Variants in NBPF10 observed in about 807,000 individuals in gnomAD.
The protein encoded by NBPF10 is NBPF family member NBPF10.
Under a neutral mutation model 77.9 loss-of-function variants are expected in NBPF10, and 63 were observed. That is an observed-to-expected ratio of 0.81 (90% CI 0.66 to 1.00). NBPF10 has a LOEUF of 1.00. Ranked by LOEUF, NBPF10 falls within the 50% of genes least tolerant of loss-of-function variation. The pLI is 0.00. For synonymous variants in NBPF10, 146 were observed against 264.5 expected (o/e 0.55, Z 4.35); for missense variants, 522 against 679.8 (o/e 0.77, Z 2.58).
intron 5 of NBPF10, among the ~76,000 whole-genome samples, chr1:146,139,078 T>G (rs10910791): frequency 0.3 from 32,620 of 110,310 alleles, 1,200 homozygotes; most frequent in Non-Finnish European, 0.39. Flanking sequence ...CCAGCGCCCC[T>G]GGTCAGAGAC....
intron 4 of NBPF10, 126 bp downstream of exon 4, chr1:146,140,358 C>T (rs4068088): frequency 1.1e-6 from 1 of 907,818 alleles, no homozygotes; most frequent in Non-Finnish European, 1.7e-6. Context: ...AAGCTGGGTT[C>T]AATTTCACAT....
chr1:146,123,527 G>C (rs879120326), intron 17 of NBPF10, among the ~76,000 whole-genome samples: 2,246 of 73,566 alleles, frequency 0.031, 8 homozygotes, highest in African/African-American at 0.087. Flanking sequence ...CACACACACA[G>C]AGAGAGAGAG....
At position 146,126,150 on chromosome 1, in the gene NBPF10, G is replaced by A. The variant is rs587642958; in HGVS notation, c.2026+86C>T. On this transcript the variant is annotated intron_variant, in intron 14 of 89. Transcript: ENST00000583866. Reference sequence around the variant, plus strand: ...CTCCCTGTGGCAATGACATCTCTCAGCTCAGTAACGGCCACTTGCAGTAGG... The same window carrying A: ...CTCCCTGTGGCAATGACATCTCTCAACTCAGTAACGGCCACTTGCAGTAGG... The A allele has an allele frequency of 1.6e-4, 140 of 868,512 alleles. 2 individuals are homozygous for A. Among genetic ancestry groups the A allele is most frequent in the Non-Finnish European group, 2.6e-4 (132 of 506,876 alleles). The allele number at this position is 868,512 out of a possible 1,614,324, so 53.8% of individuals were successfully genotyped here.
chr1:146,080,993 A>ACT (rs1656249837), intron 71 of NBPF10, among the ~76,000 whole-genome samples: 1 of 80,198 alleles, frequency 1.2e-5, no homozygotes, highest in Non-Finnish European at 3.4e-5. Flanking sequence ...ACACACACAC[A>ACT]CACACACACA....
intron 7 of NBPF10, 76 bp downstream of exon 7, chr1:146,136,277 C>A (rs587726963): frequency 2.9e-4 from 266 of 901,978 alleles, no homozygotes; most frequent in Non-Finnish European, 4.3e-4. Context: ...TTAGCTCTTA[C>A]GTCTCCCCAC....
chr1:146,125,440 A>G (rs1553789427), intron 15 of NBPF10, 25 bp downstream of exon 15: 3 of 371,432 alleles, frequency 8.1e-6, no homozygotes, highest in Non-Finnish European at 1.4e-5. Context: ...CACAGAATTA[A>G]GCATCCATAA....
At chr1:146,126,452 G>T (rs1658677502) in intron 13 of NBPF10, 44 bp from the exon 14 acceptor site, 1 of 811,204 alleles carries the variant, frequency 1.2e-6, no homozygotes, top group Non-Finnish European at 2.2e-6. Context: ...GGGGGAATCA[G>T]AAACCACACA....
At chr1:146,126,596 G>GACAGAC (rs1658705675) in intron 13 of NBPF10, among the ~76,000 whole-genome samples, 188 bp from the exon 14 acceptor site, 1 of 113,608 alleles carries the variant, frequency 8.8e-6, no homozygotes, top group Non-Finnish European at 2.0e-5. Context: ...GAACGAGAAA[G>GACAGAC]ACACACACAC....
exon 88 of NBPF10, chr1:146,068,119 T>C (rs1553778572): frequency 4.0e-6 from 2 of 501,154 alleles, no homozygotes; most frequent in South Asian, 2.0e-5. Flanking sequence ...ATAACATCTA[T>C]CCAGTGAGTC....
chr1:146,124,976 T>G (rs1658436951), intron 15 of NBPF10, 116 bp from the exon 16 acceptor site: 2 of 245,390 alleles, frequency 8.2e-6, no homozygotes, highest in Non-Finnish European at 1.4e-5. Flanking sequence ...GACAGATCCA[T>G]TAACGAGGTA....
chr1:146,067,098 A>G (rs1455054079), intron 89 of NBPF10, 82 bp downstream of exon 89: 4 of 623,850 alleles, frequency 6.4e-6, no homozygotes, highest in Non-Finnish European at 1.2e-5. Flanking sequence ...AAAACATGTC[A>G]TCAAACACAC....
At chr1:146,066,507 C>T (rs782174206) in exon 90 of NBPF10, 1 of 689,688 alleles carries the variant, frequency 1.4e-6, no homozygotes, top group Non-Finnish European at 2.3e-6. Context: ...AACATCTATC[C>T]AGTGAGTCCT....
chr1:146,140,702 T>C (rs1270434825), intron 3 of NBPF10, 146 bp from the exon 4 acceptor site: 1 of 675,310 alleles, frequency 1.5e-6, no homozygotes, highest in Non-Finnish European at 2.3e-6. Flanking sequence ...CAAAATGCCC[T>C]GGCATGGTTT....
intron 14 of NBPF10, among the ~76,000 whole-genome samples, chr1:146,125,812 C>T (rs1270134779): frequency 6.7e-6 from 1 of 148,670 alleles, no homozygotes; most frequent in Admixed American, 6.7e-5. Flanking sequence ...GCAAATGCCC[C>T]CAAATGGTTG....
chr1:146,123,467 G>A (rs1367216883), intron 17 of NBPF10, among the ~76,000 whole-genome samples, 189 bp from the exon 18 acceptor site: 3 of 41,110 alleles, frequency 7.3e-5, no homozygotes, highest in Admixed American at 2.3e-4. Flanking sequence ...GAAAGAGAAA[G>A]ACAGATAGAC....
intron 71 of NBPF10, among the ~76,000 whole-genome samples, chr1:146,081,028 C>CAG (rs1333808881): frequency 4.3e-4 from 27 of 63,256 alleles, no homozygotes; most frequent in Non-Finnish European, 6.6e-4. Flanking sequence ...CACACACACA[C>CAG]ACAGAGAGAG....
chr1:146,142,612 C>A lies in NBPF10; in HGVS notation c.278+38G>T, dbSNP rs782263665. 49 of 1,132,824 alleles carry A rather than the reference C, an allele frequency of 4.3e-5. 3 individuals are homozygous for A. In the African/African-American group the frequency reaches 6.9e-4, roughly 16 times the overall value. The allele number at this position is 1,132,824 out of a possible 1,614,324, so 70.2% of individuals were successfully genotyped here. A position where few individuals can be genotyped will look rare whatever the true frequency, so the allele number is the denominator to read the frequency against. On this transcript the variant is annotated intron_variant, in intron 2 of 89. Coordinates refer to ENST00000583866, the Ensembl canonical transcript of NBPF10. Reference sequence around the variant, plus strand: ...AGCTGCTGTACTTCAGAGATCTACACACCTACCCGCCTGCCTCCCCCTATG... The same window carrying A: ...AGCTGCTGTACTTCAGAGATCTACAAACCTACCCGCCTGCCTCCCCCTATG...
chr1:146,081,053 C>G (rs1172506991), intron 71 of NBPF10, among the ~76,000 whole-genome samples: 11 of 39,300 alleles, frequency 2.8e-4, no homozygotes, highest in South Asian at 1.0e-3. Context: ...AGAGAACGAG[C>G]TCAGTGAATT....
intron 89 of NBPF10, among the ~76,000 whole-genome samples, chr1:146,066,795 G>A (rs1285510128): frequency 1.3e-5 from 2 of 151,860 alleles, no homozygotes; most frequent in African/African-American, 2.4e-5. Context: ...GAGACAGAGA[G>A]AAAGTGACCT....
Sources: allele counts gnomAD v4.1 joint callset (sites outside exome capture counted in the v4.1 genomes callset), GRCh38; gene constraint gnomAD v4.1.1; transcripts MANE v1.5; gene names NCBI Gene and HGNC (gene_info 2026-07-23, HGNC 2026-07-21).